Variants in CCDC77 observed in about 807,000 individuals in gnomAD.
The protein encoded by CCDC77 is coiled-coil domain containing 77.
In CCDC77, 56 loss-of-function variants were observed where a neutral mutation model predicts 66.8. That is an observed-to-expected ratio of 0.84 (90% CI 0.68 to 1.05). The LOEUF is 1.05. CCDC77 is among the 50% of genes least tolerant of loss of function. CCDC77 has a pLI of 0.00. For synonymous variants in CCDC77, 196 were observed against 195.2 expected (o/e 1.00, Z -0.03); for missense variants, 570 against 576.8 (o/e 0.99, Z 0.12).
intron 4 of CCDC77, among the ~76,000 whole-genome samples, chr12:416,387 A>ACATATATATG (rs1243513771): frequency 7.1e-5 from 3 of 42,464 alleles, no homozygotes; most frequent in African/African-American, 2.9e-4. Flanking sequence ...GTATATATAT[A>ACATATATATG]TATATATATA....
chr12:416,199 C>G (rs1400698824), intron 4 of CCDC77, among the ~76,000 whole-genome samples: 1 of 150,634 alleles, frequency 6.6e-6, no homozygotes, highest in African/African-American at 2.4e-5. Flanking sequence ...CTTTAACCTC[C>G]CAAAGTGTTG....
chr12:409,327 T>C, intron 2 of CCDC77, 41 bp from the exon 3 acceptor site: 1 of 1,453,368 alleles, frequency 6.9e-7, no homozygotes. Context: ...TTTATTTTTC[T>C]ATTCGTGGCC....
intron 5 of CCDC77, among the ~76,000 whole-genome samples, chr12:425,926 G>A (rs1192329688): frequency 3.3e-5 from 5 of 152,124 alleles, no homozygotes; most frequent in East Asian, 1.9e-4. Flanking sequence ...GTGCAGTGGC[G>A]TGATCGCAGC....
At chr12:418,999 C>A in intron 5 of CCDC77, 1 of 182,706 alleles carries the variant, frequency 5.5e-6, no homozygotes, top group Non-Finnish European at 1.2e-5. Flanking sequence ...ATGCCCAGCC[C>A]TTTAAATTAC....
chr12:431,045 G>A (rs115301308), intron 7 of CCDC77, among the ~76,000 whole-genome samples: 2,988 of 136,508 alleles, frequency 0.022, 114 homozygotes, highest in African/African-American at 0.077. Flanking sequence ...GTGCCATTGC[G>A]TGACAGAGCA....
rs555935046 is a variant in CCDC77 at position 429,503 on chromosome 12, T to C, written c.510+638T>C. Among the ~76,000 whole-genome samples, 463 of 150,586 alleles carry C rather than the reference T, an allele frequency of 3.1e-3. 3 individuals carry two copies. The highest frequency in any genetic ancestry group is 6.5e-4 in the Non-Finnish European group (44 of 67,814). Reference sequence around the variant, plus strand: ...TGAGACAAAGTCTCATTCTGTTACATAGGTTGGAGTGCAATGCGCAATCTC... The same window carrying C: ...TGAGACAAAGTCTCATTCTGTTACACAGGTTGGAGTGCAATGCGCAATCTC... On this transcript the variant is annotated intron_variant, in intron 6 of 12. Transcript: ENST00000239830.
chr12:440,364 C>T (rs1420774302), intron 10 of CCDC77, among the ~76,000 whole-genome samples: 3 of 152,126 alleles, frequency 2.0e-5, no homozygotes, highest in East Asian at 1.9e-4. Flanking sequence ...TTCTGAGCTC[C>T]GTTATCTGAG....
chr12:414,095 C>CTT (rs751242537), intron 4 of CCDC77, among the ~76,000 whole-genome samples: 6 of 137,938 alleles, frequency 4.3e-5, no homozygotes, highest in Admixed American at 7.3e-5. Flanking sequence ...TCTTGATTTC[C>CTT]TTTTTTTTTT....
chr12:435,495 A>T (rs1248661209), intron 9 of CCDC77, among the ~76,000 whole-genome samples: 1 of 152,230 alleles, frequency 6.6e-6, no homozygotes, highest in African/African-American at 2.4e-5. Flanking sequence ...AACCCCCTCA[A>T]GTCCATTCTC....
In CCDC77 at chr12:409,405, A is replaced by C; in HGVS notation, c.22A>C (p.Thr8Pro). MNFTPTH[T>P]PVCRKRTVVS... Reference sequence around the variant, plus strand: ...CAGCATGAACTTTACCCCAACACACACCCCTGTCTGCAGAAAGTAAGACAT... The same window carrying C: ...CAGCATGAACTTTACCCCAACACACCCCCCTGTCTGCAGAAAGTAAGACAT... The change falls in exon 3 of 13, where the codon ACC becomes CCC. Residue 8 changes from threonine (T) to proline (P), a missense_variant. By Grantham distance (38) the Thr-to-Pro change is conservative (BLOSUM62 -1). Coordinates refer to ENST00000239830, the MANE Select transcript of CCDC77 (RefSeq NM_032358.4). 1.2e-6 allele frequency: 2 copies of C among 1,613,380 alleles called. No homozygotes were observed. Among genetic ancestry groups the C allele is most frequent in the South Asian group, 2.2e-5 (2 of 91,082 alleles).
intron 1 of CCDC77, among the ~76,000 whole-genome samples, chr12:393,985 C>T (rs549296369): frequency 3.9e-5 from 6 of 152,238 alleles, no homozygotes; most frequent in East Asian, 3.9e-4. Context: ...AAAAATATCA[C>T]CATCAATTTA....
rs1945269504 is a variant in CCDC77 at position 416,363 on chromosome 12, GTGTGTGTGTGTGTGTATATATATA to G, written c.271-2129_271-2106del. On this transcript the variant is annotated intron_variant, in intron 4 of 12. Coordinates refer to ENST00000239830, the MANE Select transcript of CCDC77 (RefSeq NM_032358.4). ...TGTGGGGGTGTGTGTGTGTGTGTGTGTGTGTGTGTGTGTGTATATATATATATATATATATATATATATATATAT... is the reference window on the plus strand; with the variant it reads ...TGTGGGGGTGTGTGTGTGTGTGTGTGTATATATATATATATATATATATAT... Among the ~76,000 whole-genome samples, 11 of 44,212 alleles carry G rather than the reference GTGTGTGTGTGTGTGTATATATATA, an allele frequency of 2.5e-4. 1 individual carries two copies. Among genetic ancestry groups the G allele is most frequent in the East Asian group, 1.5e-3 (2 of 1,338 alleles). The allele number at this position is 44,212 out of a possible 152,430, so 29.0% of individuals were successfully genotyped here. A position where few individuals can be genotyped will look rare whatever the true frequency, so the allele number is the denominator to read the frequency against.
intron 9 of CCDC77, among the ~76,000 whole-genome samples, chr12:438,091 G>C (rs142904840): frequency 3.3e-5 from 5 of 151,990 alleles, no homozygotes; most frequent in Non-Finnish European, 7.4e-5. Context: ...TCTGAAGTTC[G>C]CACTCAGGAA....
intron 2 of CCDC77, among the ~76,000 whole-genome samples, chr12:409,146 A>G (rs1422954602): frequency 2.0e-5 from 3 of 150,604 alleles, no homozygotes; most frequent in East Asian, 2.0e-4. Context: ...CAGAGGTTGC[A>G]GTGAGCCGAG....
intron 9 of CCDC77, among the ~76,000 whole-genome samples, chr12:433,649 C>T (rs918322654): frequency 7.0e-6 from 1 of 143,174 alleles, no homozygotes; most frequent in Admixed American, 6.8e-5. Flanking sequence ...GAGACCCTGT[C>T]TCAAAAAAAA....
chr12:391,264 C>T (rs1944750657), intron 1 of CCDC77, among the ~76,000 whole-genome samples: 1 of 152,144 alleles, frequency 6.6e-6, no homozygotes, highest in African/African-American at 2.4e-5. Context: ...CCAGCCTGGC[C>T]AACATGGTGA....
intron 10 of CCDC77, among the ~76,000 whole-genome samples, chr12:439,418 G>T: frequency 6.6e-6 from 1 of 151,834 alleles, no homozygotes; most frequent in Non-Finnish European, 1.5e-5. Flanking sequence ...TACTCGGGAG[G>T]CTGAGGCAGG....
At chr12:389,571 C>CGAGGGGGGGCGAGGCGG in intron 1 of CCDC77, 1 of 223,110 alleles carries the variant, frequency 4.5e-6, no homozygotes, top group Non-Finnish European at 9.2e-6. Context: ...GGGCGAGGCG[C>CGAGGGGGGGCGAGGCGG]AACGAGGCGG....
At chr12:416,324 TGAGTCTGTGGGTGTGTGGGG>T (rs1260414929) in intron 4 of CCDC77, among the ~76,000 whole-genome samples, 17 of 97,888 alleles carry the variant, frequency 1.7e-4, no homozygotes, top group African/African-American at 5.2e-4. Context: ...TGTGTGTGTG[TGAGTCTGTGGGTGTGTGGGG>T]GTGTGTGTGT....
Sources: gnomAD v4.1 joint callset for allele counts (sites outside exome capture counted in the v4.1 genomes callset) on GRCh38, gnomAD v4.1.1 for gene constraint, MANE v1.5 for transcripts, NCBI Gene and HGNC (gene_info 2026-07-23, HGNC 2026-07-21) for gene names.